NDUFS3: variants seen among roughly 807,000 people sequenced by gnomAD.
The protein encoded by NDUFS3 is NADH dehydrogenase [ubiquinone] iron-sulfur protein 3, mitochondrial.
In NDUFS3, 19 loss-of-function variants were observed where a neutral mutation model predicts 30.8. The observed-to-expected ratio is 0.62, with a 90% CI of 0.43 to 0.91. The LOEUF is 0.91. Ranked by LOEUF, NDUFS3 falls within the 40% of genes least tolerant of loss-of-function variation. The pLI is 0.00. For synonymous variants in NDUFS3, 153 were observed against 135.8 expected, an observed-to-expected ratio of 1.13 and a Z score of -0.88; for missense variants, 331 against 342.0, an observed-to-expected ratio of 0.97 and a Z score of 0.25.
chr11:47,582,805 A>G (rs1004864238), intron 6 of NDUFS3, among the ~76,000 whole-genome samples: 1 of 152,156 alleles, frequency 6.6e-6, no homozygotes, highest in African/African-American at 2.4e-5. Context: ...AGAACAGCCT[A>G]GGCAACATGG....
Position 47,580,581 on chromosome 11 carries a change from T to C in NDUFS3, c.190T>C (p.Tyr64His), listed in dbSNP as rs886048391. ...AHKQLSAFGE[Y>H]VAEILPKYVQ... ...CAAGCAGCTCTCAGCTTTTGGAGAGTATGTGGCTGAAATCTTGCCCAAGTA... is the reference window on the plus strand; with the variant it reads ...CAAGCAGCTCTCAGCTTTTGGAGAGCATGTGGCTGAAATCTTGCCCAAGTA... The change falls in exon 3 of 7, where the codon TAT becomes CAT. Residue 64 changes from tyrosine to histidine, a missense_variant. Coordinates refer to ENST00000263774, the MANE Select transcript of NDUFS3 (RefSeq NM_004551.3). The C allele has an allele frequency of 1.2e-6, 2 of 1,614,008 alleles. No individual in the cohort carries two copies. The highest frequency in any genetic ancestry group is 1.7e-6 in the Non-Finnish European group (2 of 1,180,016).
At chr11:47,583,127 C>T (rs559915217) in intron 6 of NDUFS3, among the ~76,000 whole-genome samples, 17 of 152,130 alleles carry the variant, frequency 1.1e-4, no homozygotes, top group African/African-American at 3.9e-4. Context: ...TGGCTCACTG[C>T]AGTCTTGACC....
intron 1 of NDUFS3, 40 bp downstream of exon 1, chr11:47,579,198 G>A (rs1028736071): frequency 1.2e-6 from 2 of 1,613,642 alleles, no homozygotes; most frequent in African/African-American, 2.7e-5. Context: ...GTCAGGCGCA[G>A]CGGCGTGCCC....
intron 3 of NDUFS3, 59 bp from the exon 4 acceptor site, chr11:47,580,776 A>T (rs765311878): frequency 6.2e-7 from 1 of 1,611,962 alleles, no homozygotes; most frequent in Non-Finnish European, 8.5e-7. Context: ...ACTCCAGCTG[A>T]AGTTAGCTGT....
At position 47,581,059 on chromosome 11, in the gene NDUFS3, C is replaced by G; in HGVS notation, c.381+75C>G. 2.5e-6 allele frequency: 4 copies of G among 1,571,422 alleles called. No individual in the cohort carries two copies. In the South Asian group the frequency reaches 4.5e-5, roughly 17 times the overall value. ...GTTTGTAACATACAATAGAACACAG[C>G]AGTTAAACTGGAACTTCAGAGTCAA... is the stretch of plus-strand genomic sequence containing the variant. On this transcript the variant is annotated intron_variant, in intron 4 of 6. Coordinates refer to ENST00000263774, the MANE Select transcript of NDUFS3 (RefSeq NM_004551.3).
At chr11:47,579,188 G>GT in intron 1 of NDUFS3, 30 bp downstream of exon 1, 1 of 1,613,480 alleles carries the variant, frequency 6.2e-7, no homozygotes, top group Middle Eastern at 1.7e-4. Context: ...TGAGACCGGG[G>GT]TCAGGCGCAG....
chr11:47,579,455 G>C (rs777726118), intron 2 of NDUFS3, 121 bp downstream of exon 2: 1 of 1,282,420 alleles, frequency 7.8e-7, no homozygotes, highest in African/African-American at 1.5e-5. Context: ...CTGACTTGCA[G>C]TGGTCTTCAC....
Position 47,584,427 on chromosome 11 carries a change from A to G in NDUFS3, c.741A>G (p.Gln247=), listed in dbSNP as rs1598806924. 1.2e-6 allele frequency: 2 copies of G among 1,613,864 alleles called. No individual in the cohort carries two copies. The highest frequency in any genetic ancestry group is 8.5e-7 in the Non-Finnish European group (1 of 1,179,968). The change falls in exon 7 of 7, where the codon CAA becomes CAG. Residue 247 remains glutamine, a synonymous_variant. Coordinates refer to ENST00000263774, the MANE Select transcript of NDUFS3 (RefSeq NM_004551.3). ...SPWEAFPVYR[Q]PPESLKLEAG... ...GGGAGGCTTTCCCAGTCTATCGCCA[A>G]CCCCCGGAGAGTCTCAAGCTTGAAG...
chr11:47,584,439 T>A lies in NDUFS3; in HGVS notation c.753T>A (p.Ser251Arg), dbSNP rs752314902. ...CAGTCTATCGCCAACCCCCGGAGAG[T>A]CTCAAGCTTGAAGCCGGAGACAAGA... ...AFPVYRQPPE[S>R]LKLEAGDKKP... The change falls in exon 7 of 7, where the codon AGT becomes AGA. Residue 251 changes from serine to arginine, a missense_variant. Ser to Arg is a moderately radical substitution (Grantham distance 110). Coordinates refer to ENST00000263774, the MANE Select transcript of NDUFS3 (RefSeq NM_004551.3). 1.2e-6 allele frequency: 2 copies of A among 1,612,776 alleles called. No homozygotes were observed. The highest frequency in any genetic ancestry group is 4.5e-5 in the East Asian group (2 of 44,832).
chr11:47,582,076 T>C lies in NDUFS3; in HGVS notation c.382-12T>C, dbSNP rs765816274. 1 of 1,613,582 alleles carries C rather than the reference T, an allele frequency of 6.2e-7. No individual in the cohort carries two copies. The highest frequency in any genetic ancestry group is 1.1e-5 in the South Asian group (1 of 91,048). On this transcript the variant is annotated splice_polypyrimidine_tract_variant and intron_variant, in intron 4 of 6. Transcript: ENST00000263774. Reference sequence around the variant, plus strand: ...CCCATCTCAGCCCTCCAGATCCTTCTGTTCTCCCTAGATTGTCTACAACCT... The same window carrying C: ...CCCATCTCAGCCCTCCAGATCCTTCCGTTCTCCCTAGATTGTCTACAACCT...
chr11:47,584,182 G>C (rs2097270031), intron 6 of NDUFS3, 132 bp from the exon 7 acceptor site: 1 of 1,175,554 alleles, frequency 8.5e-7, no homozygotes, highest in Non-Finnish European at 1.3e-6. Flanking sequence ...CTTACTGACA[G>C]AGGCTGGGAC....
chr11:47,582,621 G>C, intron 6 of NDUFS3, 153 bp downstream of exon 6: 9 of 1,227,358 alleles, frequency 7.3e-6, no homozygotes, highest in Admixed American at 2.0e-5. Flanking sequence ...TTTGTAACCT[G>C]GGGCAAGTTA....
At chr11:47,582,960 G>A (rs941297054) in intron 6 of NDUFS3, among the ~76,000 whole-genome samples, 4 of 152,090 alleles carry the variant, frequency 2.6e-5, no homozygotes, top group Admixed American at 6.5e-5. Context: ...TCACGCCACT[G>A]CTCTCCAGCC....
At chr11:47,580,189 C>T (rs908597) in intron 2 of NDUFS3, among the ~76,000 whole-genome samples, 6,226 of 152,284 alleles carry the variant, frequency 0.041, 418 homozygotes, top group African/African-American at 0.14. Flanking sequence ...CAGTTCCCAT[C>T]CTCAAACAGC....
rs1340593340 is a variant in NDUFS3, at chr11:47,583,202, C to T, written c.627+734C>T. ...AGTAGCTGGGACTACAGGCATGCACCAACATGCCCAGCAAATTTTTGTATT... is the reference window on the plus strand; with the variant it reads ...AGTAGCTGGGACTACAGGCATGCACTAACATGCCCAGCAAATTTTTGTATT... On this transcript the variant is annotated intron_variant, in intron 6 of 6. Coordinates refer to ENST00000263774, the MANE Select transcript of NDUFS3 (RefSeq NM_004551.3). 2.0e-5 allele frequency among the ~76,000 whole-genome samples: 3 copies of T among 151,904 alleles called. No homozygotes were observed. In the East Asian group the frequency reaches 5.8e-4, roughly 30 times the overall value.
At position 47,580,934 on chromosome 11, in the gene NDUFS3, C is replaced by G; in HGVS notation, c.331C>G (p.Leu111Val). 6.2e-7 allele frequency: 1 copy of G among 1,614,226 alleles called. No homozygotes were observed. Among genetic ancestry groups the G allele is most frequent in the Non-Finnish European group, 8.5e-7 (1 of 1,180,038 alleles). Residue 111 changes from leucine (L) to valine (V), a missense_variant, in exon 4 of 7, where the codon CTG (leucine) becomes GTG (valine). By Grantham distance (32) the Leu-to-Val change is conservative. Coordinates refer to ENST00000263774, the MANE Select transcript of NDUFS3 (RefSeq NM_004551.3). ...RDHTNAQFKS[L>V]VDLTAVDVPT... ...TCACACCAATGCACAGTTCAAATCTCTGGTTGACTTGACAGCAGTGGACGT... is the reference window on the plus strand; with the variant it reads ...TCACACCAATGCACAGTTCAAATCTGTGGTTGACTTGACAGCAGTGGACGT...
intron 2 of NDUFS3, chr11:47,579,711 T>C: frequency 2.5e-6 from 1 of 393,030 alleles, no homozygotes; most frequent in Non-Finnish European, 4.8e-6. Context: ...ACAACAGCCT[T>C]ATGGGGTAGA....
Position 47,582,177 on chromosome 11 carries a change from C to T in NDUFS3, c.471C>T (p.Val157=). The change falls in exon 5 of 7, where the codon GTC becomes GTT. Residue 157 remains valine (V), a synonymous_variant. Coordinates refer to ENST00000263774, the MANE Select transcript of NDUFS3 (RefSeq NM_004551.3). ...AGCTGACGCCCATTGAGTCTGCTGT[C>T]TCTGTGTTCAAGGCAGCCAACTGGT... ...TDELTPIESA[V]SVFKAANWYE... 1 of 1,614,178 alleles carries T rather than the reference C, an allele frequency of 6.2e-7. No individual in the cohort carries two copies. Among genetic ancestry groups the T allele is most frequent in the South Asian group, 1.1e-5 (1 of 91,084 alleles).
rs11039306 is a variant in NDUFS3 at position 47,584,307 on chromosome 11, C to T, written c.628-7C>T. The T allele has an allele frequency of 2.4e-4, 385 of 1,614,010 alleles. 10 individuals are homozygous for T. In the East Asian group the frequency reaches 2.5e-3, roughly 10 times the overall value. ...TTAGTGCTCAAGCCTGCCTTTTGCT[C>T]CTGCAGTTACGTTATGATGATGAAG... On this transcript the variant is annotated splice_region_variant and splice_polypyrimidine_tract_variant and intron_variant, in intron 6 of 6. Coordinates refer to ENST00000263774, the MANE Select transcript of NDUFS3 (RefSeq NM_004551.3).
Sources: gnomAD v4.1 joint callset for allele counts (sites outside exome capture counted in the v4.1 genomes callset) on GRCh38, gnomAD v4.1.1 for gene constraint, MANE v1.5 for transcripts, NCBI Gene and HGNC (gene_info 2026-07-23, HGNC 2026-07-21) for gene names.